Variants in RAD51B observed in about 807,000 individuals in gnomAD.
RAD51B encodes RAD51 paralog B, also known as DNA repair protein RAD51 homolog 2.
RAD51B carries 38 observed loss-of-function variants against 42.2 expected under a neutral mutation model. That is an observed-to-expected ratio of 0.90 (90% confidence interval 0.70 to 1.18). RAD51B has a LOEUF of 1.18. Ranked by LOEUF, RAD51B falls within the 50% of genes most tolerant of loss-of-function variation. The probability of loss-of-function intolerance (pLI) is 0.00; values close to 1 mark genes in which losing one functional copy is unlikely to be tolerated. For synonymous variants in RAD51B, 154 were observed against 145.2 expected (o/e 1.06, Z -0.43); for missense variants, 373 against 400.7 (o/e 0.93, Z 0.59).
intron 11 of RAD51B, among the ~76,000 whole-genome samples, chr14:68,677,061 T>C (rs986084232): frequency 6.6e-6 from 1 of 152,186 alleles, no homozygotes; most frequent in Non-Finnish European, 1.5e-5. Flanking sequence ...CTGTCATAGA[T>C]GAGGAAACTG....
At chr14:67,952,473 T>A (rs2074471604) in intron 7 of RAD51B, among the ~76,000 whole-genome samples, 1 of 152,166 alleles carries the variant, frequency 6.6e-6, no homozygotes, top group African/African-American at 2.4e-5. Flanking sequence ...CTTGTAAAGA[T>A]TAGTAACATA....
At chr14:68,338,805 A>G (rs949652065) in intron 8 of RAD51B, 3 of 578,350 alleles carry the variant, frequency 5.2e-6, no homozygotes, top group Non-Finnish European at 9.9e-6. Flanking sequence ...CTTGAGACCC[A>G]GGACATTGCC....
chr14:68,244,337 C>T (rs2080451074), intron 7 of RAD51B, among the ~76,000 whole-genome samples: 1 of 152,166 alleles, frequency 6.6e-6, no homozygotes, highest in Admixed American at 6.5e-5. Flanking sequence ...AAAGAATACG[C>T]CCAAGAACTT....
At chr14:68,163,969 A>G (rs1228361401) in intron 7 of RAD51B, among the ~76,000 whole-genome samples, 7 of 152,104 alleles carry the variant, frequency 4.6e-5, no homozygotes, top group Admixed American at 6.5e-5. Flanking sequence ...ATATGGTCCT[A>G]TTTTTCTTGA....
intron 5 of RAD51B, among the ~76,000 whole-genome samples, chr14:67,869,271 G>A (rs968289950): frequency 2.6e-5 from 4 of 152,158 alleles, no homozygotes; most frequent in Non-Finnish European, 5.9e-5. Flanking sequence ...ACCAAGGCTC[G>A]AGAACTATGT....
At chr14:68,041,990 G>C (rs2076225443) in intron 7 of RAD51B, among the ~76,000 whole-genome samples, 1 of 152,196 alleles carries the variant, frequency 6.6e-6, no homozygotes, top group African/African-American at 2.4e-5. Flanking sequence ...CTGGGAATTT[G>C]ATGGTTGGAT....
chr14:68,647,916 G>T (rs1005633082), intron 10 of RAD51B, among the ~76,000 whole-genome samples: 4 of 151,032 alleles, frequency 2.6e-5, no homozygotes, highest in African/African-American at 9.7e-5. Flanking sequence ...AACCTTAGGG[G>T]ATCCACCCGC....
Position 68,588,646 on chromosome 14 carries a change from T to C in RAD51B, c.1037-5839T>C, listed in dbSNP as rs563497917. 2.6e-5 allele frequency among the ~76,000 whole-genome samples: 4 copies of C among 152,342 alleles called. No individual in the cohort carries two copies. In the East Asian group the frequency reaches 7.7e-4, roughly 29 times the overall value. ...GAGATACAACATGTAACTTTCATAATGGATAAATGGCTCCTTGGCGGTTCC... is the reference window on the plus strand; with the variant it reads ...GAGATACAACATGTAACTTTCATAACGGATAAATGGCTCCTTGGCGGTTCC... On this transcript the variant is annotated intron_variant, in intron 10 of 10. Transcript: ENST00000487270.
At chr14:68,199,527 T>C (rs565213100) in intron 7 of RAD51B, among the ~76,000 whole-genome samples, 1 of 152,298 alleles carries the variant, frequency 6.6e-6, no homozygotes, top group Non-Finnish European at 1.5e-5. Flanking sequence ...TTTTGTGGAG[T>C]CTATAGGCTT....
intron 7 of RAD51B, among the ~76,000 whole-genome samples, chr14:68,097,689 T>C (rs889210497): frequency 6.6e-6 from 1 of 152,222 alleles, no homozygotes; most frequent in Non-Finnish European, 1.5e-5. Flanking sequence ...CTTCATTTCA[T>C]TGCTTCTGTC....
chr14:67,875,096 A>T lies in RAD51B; in HGVS notation c.452+9957A>T, dbSNP rs139029867. Among the ~76,000 whole-genome samples the T allele has an allele frequency of 1.1e-4, 16 of 152,212 alleles. No individual in the cohort carries two copies. The East Asian group carries it at 3.1e-3, about 29-fold the overall frequency. On this transcript the variant is annotated intron_variant, in intron 5 of 10. Coordinates refer to ENST00000471583, the MANE Select transcript of RAD51B (RefSeq NM_133510.4). ...AGAGCCAGGACTCTGGAAGGTGGGA[A>T]CCTGAGGAGGTAGGATATAGGACTG...
At chr14:68,239,520 T>C (rs1159449594) in intron 7 of RAD51B, among the ~76,000 whole-genome samples, 2 of 151,726 alleles carry the variant, frequency 1.3e-5, no homozygotes, top group East Asian at 1.9e-4. Context: ...TTTTTTTTTT[T>C]CTTTTTTAAA....
intron 10 of RAD51B, among the ~76,000 whole-genome samples, chr14:68,622,631 A>G (rs1175845315): frequency 6.6e-6 from 1 of 150,786 alleles, no homozygotes; most frequent in Non-Finnish European, 1.5e-5. Context: ...GAATGAATGA[A>G]TGAATGGGCA....
exon 11 of RAD51B, chr14:68,594,927 A>AG: frequency 1.8e-6 from 2 of 1,090,680 alleles, no homozygotes; most frequent in Non-Finnish European, 2.2e-6. Flanking sequence ...CTAAAGGACC[A>AG]GGGACGTGGA....
intron 7 of RAD51B, among the ~76,000 whole-genome samples, chr14:68,166,168 CTT>C (rs71129871): frequency 5.3e-5 from 7 of 131,996 alleles, no homozygotes; most frequent in South Asian, 2.4e-4. Context: ...TATTTCTGCT[CTT>C]TTTTTTTTTT....
At chr14:68,477,530 C>T (rs1357205788) in intron 10 of RAD51B, 118 bp from the exon 11 acceptor site, 18 of 1,228,482 alleles carry the variant, frequency 1.5e-5, no homozygotes, top group East Asian at 5.1e-5. Flanking sequence ...GTGGGCAATA[C>T]GTATGAAAGA....
chr14:68,531,832 C>G (rs1053056775), intron 10 of RAD51B, among the ~76,000 whole-genome samples: 1 of 152,006 alleles, frequency 6.6e-6, no homozygotes, highest in African/African-American at 2.4e-5. Context: ...GACCCTGTCA[C>G]TACGAAAAAT....
chr14:68,647,380 A>C (rs1892583848), intron 10 of RAD51B, among the ~76,000 whole-genome samples: 1 of 152,236 alleles, frequency 6.6e-6, no homozygotes, highest in East Asian at 1.9e-4. Context: ...TGTGCCATTA[A>C]GAATTTCTTG....
chr14:67,856,149 C>G (rs112091683), intron 4 of RAD51B, among the ~76,000 whole-genome samples: 1 of 152,120 alleles, frequency 6.6e-6, no homozygotes, highest in Non-Finnish European at 1.5e-5. Flanking sequence ...CATTTCCATT[C>G]CCTCCTGCTT....
Sources: gnomAD v4.1 joint callset for allele counts (sites outside exome capture counted in the v4.1 genomes callset) on GRCh38, gnomAD v4.1.1 for gene constraint, MANE v1.5 for transcripts, NCBI Gene and HGNC (gene_info 2026-07-23, HGNC 2026-07-21) for gene names.